KIAA1217: variants seen among roughly 807,000 people sequenced by gnomAD.
KIAA1217 encodes the protein KIAA1217.
Under a neutral mutation model 163.9 loss-of-function variants are expected in KIAA1217, and 88 were observed. That is an observed-to-expected ratio of 0.54 (90% CI 0.45 to 0.64). KIAA1217 has a LOEUF of 0.64. Among genes scored for constraint, KIAA1217 ranks in the 30% least tolerant of loss-of-function variants. KIAA1217 has a pLI of 0.00. For synonymous variants in KIAA1217, 903 were observed against 923.1 expected (o/e 0.98, Z 0.39); for missense variants, 2,372 against 2,475.0 (o/e 0.96, Z 0.88).
intron 14 of KIAA1217, among the ~76,000 whole-genome samples, chr10:24,529,057 C>G (rs192124299): frequency 7.9e-4 from 120 of 152,216 alleles, no homozygotes; most frequent in African/African-American, 2.6e-3. Context: ...AGTCTAATGT[C>G]TCTGCAGTGT....
At chr10:24,334,102 G>A (rs954933324) in intron 2 of KIAA1217, among the ~76,000 whole-genome samples, 7 of 152,148 alleles carry the variant, frequency 4.6e-5, no homozygotes, top group African/African-American at 1.7e-4. Context: ...GAGCAATTGT[G>A]GCTGGAGGAT....
chr10:24,385,659 A>C (rs2053905338), intron 3 of KIAA1217, among the ~76,000 whole-genome samples: 1 of 152,210 alleles, frequency 6.6e-6, no homozygotes, highest in Admixed American at 6.5e-5. Flanking sequence ...GTACTTCCAC[A>C]GAGTGATGGG....
chr10:23,824,153 G>C (rs545032289), intron 1 of KIAA1217, among the ~76,000 whole-genome samples: 5 of 152,088 alleles, frequency 3.3e-5, no homozygotes, highest in African/African-American at 1.2e-4. Flanking sequence ...CACACCTATG[G>C]TCCCAGCTAC....
At chr10:24,396,261 C>T (rs555820151) in intron 3 of KIAA1217, among the ~76,000 whole-genome samples, 55 of 152,010 alleles carry the variant, frequency 3.6e-4, no homozygotes, top group East Asian at 1.6e-3. Context: ...CACTTGAGCC[C>T]GGGAAGCGGA....
intron 1 of KIAA1217, among the ~76,000 whole-genome samples, chr10:23,884,230 A>G (rs1022730098): frequency 1.3e-5 from 2 of 151,938 alleles, no homozygotes; most frequent in African/African-American, 4.8e-5. Context: ...CTCCCCAACA[A>G]TGAATGAGAG....
At chr10:23,741,786 AATAGGGGCTAGGGATATAGGC>A (rs1466237344) in intron 1 of KIAA1217, among the ~76,000 whole-genome samples, 7 of 152,164 alleles carry the variant, frequency 4.6e-5, no homozygotes, top group Non-Finnish European at 7.3e-5. Context: ...GATAAAGCAG[AATAGGGGCTAGGGATATAGGC>A]ACAGGGGATA....
chr10:23,828,243 T>C (rs1013540625), intron 1 of KIAA1217, among the ~76,000 whole-genome samples: 2 of 152,008 alleles, frequency 1.3e-5, no homozygotes, highest in Non-Finnish European at 2.9e-5. Context: ...AAACCATACC[T>C]AATTGTGCCA....
intron 1 of KIAA1217, among the ~76,000 whole-genome samples, chr10:23,978,520 G>A (rs1299500081): frequency 2.0e-5 from 3 of 152,118 alleles, no homozygotes; most frequent in African/African-American, 7.2e-5. Context: ...TTCATGCCAG[G>A]CTTTCGTATG....
At chr10:23,909,269 A>T (rs542362797) in intron 1 of KIAA1217, among the ~76,000 whole-genome samples, 11 of 152,268 alleles carry the variant, frequency 7.2e-5, no homozygotes, top group African/African-American at 2.6e-4. Flanking sequence ...TGCTCAGGTA[A>T]TGGGTACACC....
chr10:24,280,793 G>A (rs1285871847), intron 2 of KIAA1217, among the ~76,000 whole-genome samples: 2 of 141,766 alleles, frequency 1.4e-5, no homozygotes, highest in East Asian at 2.0e-4. Context: ...CTGGGCAACA[G>A]AGCGAGACTC....
At chr10:23,949,222 C>CA (rs1363954684) in intron 1 of KIAA1217, among the ~76,000 whole-genome samples, 1 of 151,790 alleles carries the variant, frequency 6.6e-6, no homozygotes, top group Non-Finnish European at 1.5e-5. Context: ...GAAACCCTGA[C>CA]AAAAAATACC....
chr10:23,896,184 A>T (rs1387439683), intron 1 of KIAA1217, among the ~76,000 whole-genome samples: 1 of 151,972 alleles, frequency 6.6e-6, no homozygotes, highest in Non-Finnish European at 1.5e-5. Flanking sequence ...AAGAATAATC[A>T]AAGGCAAATG....
At chr10:24,417,210 C>G (rs2058325546) in intron 3 of KIAA1217, among the ~76,000 whole-genome samples, 1 of 152,042 alleles carries the variant, frequency 6.6e-6, no homozygotes, top group African/African-American at 2.4e-5. Flanking sequence ...AAAATCTGAG[C>G]CTCCCCCTCA....
intron 4 of KIAA1217, among the ~76,000 whole-genome samples, chr10:24,437,171 T>G (rs892901180): frequency 2.6e-5 from 4 of 152,156 alleles, no homozygotes; most frequent in South Asian, 2.1e-4. Flanking sequence ...TGTGACTCCT[T>G]CCTCTGGCCA....
chr10:24,367,794 C>A (rs1231293304), intron 2 of KIAA1217, among the ~76,000 whole-genome samples: 4 of 152,216 alleles, frequency 2.6e-5, no homozygotes, highest in Admixed American at 1.3e-4. Context: ...CTTCTCACAG[C>A]AACCCTGTGG....
chr10:24,150,559 T>C (rs1162314314), intron 2 of KIAA1217, among the ~76,000 whole-genome samples: 1 of 152,228 alleles, frequency 6.6e-6, no homozygotes, highest in African/African-American at 2.4e-5. Flanking sequence ...CCTTCTTCTA[T>C]TCTTTCAATT....
intron 1 of KIAA1217, among the ~76,000 whole-genome samples, chr10:23,899,489 A>G (rs938997121): frequency 2.6e-5 from 4 of 151,954 alleles, no homozygotes; most frequent in African/African-American, 7.3e-5. Context: ...GAGAAGAAAT[A>G]TAAGTCGAGG....
At chr10:24,259,440 C>T (rs1294843640) in intron 2 of KIAA1217, among the ~76,000 whole-genome samples, 2 of 152,020 alleles carry the variant, frequency 1.3e-5, no homozygotes, top group Admixed American at 6.6e-5. Context: ...TAGTGAGACC[C>T]TGTCTTTACA....
intron 2 of KIAA1217, among the ~76,000 whole-genome samples, chr10:24,079,244 A>G (rs1476305865): frequency 1.3e-5 from 2 of 152,170 alleles, no homozygotes; most frequent in Non-Finnish European, 2.9e-5. Context: ...AATAGAGAGA[A>G]GCAGAGATAT....
Sources: allele counts gnomAD v4.1 joint callset (sites outside exome capture counted in the v4.1 genomes callset), GRCh38; gene constraint gnomAD v4.1.1; transcripts MANE v1.5; gene names NCBI Gene and HGNC (gene_info 2026-07-23, HGNC 2026-07-21).